Variants in DHX8 observed in about 807,000 individuals in gnomAD.
DHX8 encodes ATP-dependent RNA helicase DHX8.
DHX8 carries 67 observed loss-of-function variants against 140.7 expected under a neutral mutation model. That is an observed-to-expected ratio of 0.48 (90% confidence interval 0.39 to 0.58). The LOEUF is 0.58. Ranked by LOEUF, DHX8 falls within the 20% of genes least tolerant of loss-of-function variation. The probability of loss-of-function intolerance (pLI) is 0.00; values close to 1 mark genes in which losing one functional copy is unlikely to be tolerated. For missense variants in DHX8, 887 were observed against 1,550.7 expected (o/e 0.57, Z 7.19); for synonymous variants, 533 against 553.2 (o/e 0.96, Z 0.51).
chr17:43,509,477 C>G (rs954812299), intron 16 of DHX8, among the ~76,000 whole-genome samples: 9 of 151,654 alleles, frequency 5.9e-5, no homozygotes, highest in African/African-American at 2.2e-4. Context: ...CCCTCCACCT[C>G]CCACTTATTT....
At chr17:43,533,382 A>G in intron 2 of DHX8, 1 of 1,589,694 alleles carries the variant, frequency 6.3e-7, no homozygotes, top group East Asian at 2.2e-5. Flanking sequence ...GTGAGGGGGC[A>G]GAGAAGCTGG....
intron 3 of DHX8, among the ~76,000 whole-genome samples, chr17:43,538,709 G>A (rs1426329115): frequency 1.3e-5 from 2 of 152,140 alleles, no homozygotes; most frequent in African/African-American, 4.8e-5. Context: ...ATCACAGCAG[G>A]AAATGTAGAC....
At chr17:43,498,432 C>T (rs888675371) in intron 9 of DHX8, among the ~76,000 whole-genome samples, 1 of 151,472 alleles carries the variant, frequency 6.6e-6, no homozygotes, top group Non-Finnish European at 1.5e-5. Context: ...CAGGTAAGAG[C>T]CACTGCACCC....
intron 22 of DHX8, 92 bp downstream of exon 22, chr17:43,522,318 C>T (rs1970414991): frequency 1.6e-6 from 2 of 1,270,706 alleles, no homozygotes; most frequent in Non-Finnish European, 2.2e-6. Context: ...CTTCACTACT[C>T]CCAGTATGTC....
In DHX8 at chr17:43,504,903, T is replaced by A; in HGVS notation, c.1728+78T>A. On this transcript the variant is annotated intron_variant, in intron 12 of 22. Coordinates refer to ENST00000262415, the MANE Select transcript of DHX8 (RefSeq NM_004941.3). ...AGGGGTGATATTTTTAAACTGAAAC[T>A]AACGGGACAAGTATGTGCCTACTTG... The A allele has an allele frequency of 3.7e-6, 5 of 1,344,424 alleles. No homozygotes were observed. In the East Asian group the frequency reaches 9.4e-5, roughly 25 times the overall value. 83.3% of individuals were successfully genotyped at this position (1,344,424 alleles called of 1,614,324 possible). A position where few individuals can be genotyped will look rare whatever the true frequency, so the allele number is the denominator to read the frequency against.
Position 43,512,941 on chromosome 17 carries a change from T to C in DHX8, c.2503-421T>C, listed in dbSNP as rs935044463. ...TCCGCAAAATACAAGCAGCTCATTT[T>C]TTAGTCCAGATGTCTCGGTAGGGGA... On this transcript the variant is annotated intron_variant, in intron 16 of 22. Transcript: ENST00000262415. Among the ~76,000 whole-genome samples, 3 of 152,302 alleles carry C rather than the reference T, an allele frequency of 2.0e-5. No homozygotes were observed. In the East Asian group the frequency reaches 5.8e-4, roughly 29 times the overall value.
chr17:43,507,469 G>A, intron 13 of DHX8, 34 bp from the exon 14 acceptor site: 1 of 1,587,150 alleles, frequency 6.3e-7, no homozygotes, highest in Non-Finnish European at 8.6e-7. Context: ...GGAGACATTT[G>A]TATCCTAGGT....
At chr17:43,520,962 GA>G in intron 20 of DHX8, 83 bp downstream of exon 20, 16 of 863,142 alleles carry the variant, frequency 1.9e-5, no homozygotes, top group South Asian at 9.3e-5. Context: ...GCTTGATGTG[GA>G]CTTTTTTTTT....
intron 17 of DHX8, among the ~76,000 whole-genome samples, chr17:43,514,049 T>G (rs1358558714): frequency 6.7e-6 from 1 of 149,570 alleles, no homozygotes; most frequent in Non-Finnish European, 1.5e-5. Context: ...ACTATTAAAA[T>G]GCCCCCGTAA....
At chr17:43,499,522 CAG>C (rs1464833640) in intron 10 of DHX8, among the ~76,000 whole-genome samples, 3 of 152,172 alleles carry the variant, frequency 2.0e-5, no homozygotes, top group Admixed American at 6.6e-5. Context: ...TTGTTAGTGA[CAG>C]GGAATTCACC....
At chr17:43,516,064 T>C (rs928924428) in intron 17 of DHX8, among the ~76,000 whole-genome samples, 1 of 152,220 alleles carries the variant, frequency 6.6e-6, no homozygotes, top group African/African-American at 2.4e-5. Context: ...ACCATCCTAC[T>C]ACCTCCACTG....
intron 3 of DHX8, among the ~76,000 whole-genome samples, chr17:43,539,130 C>T (rs143171215): frequency 1.3e-5 from 2 of 152,162 alleles, no homozygotes; most frequent in Non-Finnish European, 2.9e-5. Context: ...AATCATTTCT[C>T]TCTGTTATTT....
At chr17:43,514,321 G>A (rs948238333) in intron 17 of DHX8, among the ~76,000 whole-genome samples, 4 of 152,014 alleles carry the variant, frequency 2.6e-5, no homozygotes, top group Admixed American at 6.6e-5. Flanking sequence ...CTCTAGCTGG[G>A]GCAACAGAGC....
intron 19 of DHX8, 46 bp from the exon 20 acceptor site, chr17:43,520,705 G>C (rs1442769723): frequency 6.2e-7 from 1 of 1,612,698 alleles, no homozygotes; most frequent in East Asian, 2.2e-5. Flanking sequence ...GAATCCAAAT[G>C]TGTCTTCCAC....
At chr17:43,504,499 T>A (rs886845111) in intron 11 of DHX8, 145 bp from the exon 12 acceptor site, 1 of 750,916 alleles carries the variant, frequency 1.3e-6, no homozygotes, top group Non-Finnish European at 2.2e-6. Context: ...TTTCTTCACA[T>A]TAATTTGTTT....
rs562544915 is a variant in DHX8, at chr17:43,504,914, G to A, written c.1728+89G>A. On this transcript the variant is annotated intron_variant, in intron 12 of 22. Coordinates refer to ENST00000262415, the MANE Select transcript of DHX8 (RefSeq NM_004941.3). The stretch of plus-strand genomic sequence containing the variant: ...TTTTAAACTGAAACTAACGGGACAA[G>A]TATGTGCCTACTTGAAGTGGCTCAT... 1,137 of 1,222,648 alleles carry A rather than the reference G, an allele frequency of 9.3e-4. 2 individuals are homozygous for A. Among genetic ancestry groups the A allele is most frequent in the Non-Finnish European group, 1.2e-3 (1,023 of 870,234 alleles). 75.7% of individuals were successfully genotyped at this position (1,222,648 alleles called of 1,614,324 possible). A position where few individuals can be genotyped will look rare whatever the true frequency, so the allele number is the denominator to read the frequency against.
Position 43,501,330 on chromosome 17 carries a change from G to A in DHX8, c.1546+1227G>A, listed in dbSNP as rs1482190719. On this transcript the variant is annotated intron_variant, in intron 11 of 22. Coordinates refer to ENST00000262415, the MANE Select transcript of DHX8 (RefSeq NM_004941.3). Reference sequence around the variant, plus strand: ...TTGGGTTTGTGGGGTGGGAAAGAAGGAACTGAAAGAAGGCTTGTGTGGATG... The same window carrying A: ...TTGGGTTTGTGGGGTGGGAAAGAAGAAACTGAAAGAAGGCTTGTGTGGATG... 2.0e-5 allele frequency among the ~76,000 whole-genome samples: 3 copies of A among 152,096 alleles called. No homozygotes were observed. The East Asian group carries it at 5.8e-4, about 29-fold the overall frequency.
chr17:43,529,107 A>G (rs775794945), downstream of DHX8: 1 of 1,606,864 alleles, frequency 6.2e-7, no homozygotes, highest in Non-Finnish European at 8.5e-7. Context: ...GCCCCCCACC[A>G]CCTTGTCCCT....
intron 3 of DHX8, among the ~76,000 whole-genome samples, chr17:43,539,701 TGACCATC>T: frequency 6.6e-6 from 1 of 152,222 alleles, no homozygotes; most frequent in Non-Finnish European, 1.5e-5. Flanking sequence ...GAAGAGATCC[TGACCATC>T]CTAGCCCTTC....
Sources: gnomAD v4.1 joint callset for allele counts (sites outside exome capture counted in the v4.1 genomes callset) on GRCh38, gnomAD v4.1.1 for gene constraint, MANE v1.5 for transcripts, NCBI Gene and HGNC (gene_info 2026-07-23, HGNC 2026-07-21) for gene names.